ZNF782: variants seen among roughly 807,000 people sequenced by gnomAD.
ZNF782 encodes the protein zinc finger protein 782.
A neutral mutation model predicts 13.0 loss-of-function variants in ZNF782; 12 were observed. The observed-to-expected ratio is 0.92, with a 90% confidence interval of 0.59 to 1.50. The LOEUF (loss-of-function observed/expected upper bound fraction) is 1.50. ZNF782 is among the 40% of genes most tolerant of loss of function. ZNF782 has a pLI of 0.00. For synonymous variants in ZNF782, 284 were observed against 283.0 expected (o/e 1.00, Z -0.04); for missense variants, 770 against 822.9 (o/e 0.94, Z 0.79).
At chr9:96,836,838 G>A (rs1851018999) in intron 4 of ZNF782, among the ~76,000 whole-genome samples, 1 of 152,110 alleles carries the variant, frequency 6.6e-6, no homozygotes, top group Non-Finnish European at 1.5e-5. Flanking sequence ...TATTTCTTGT[G>A]AGAACGGGTT....
chr9:96,866,722 A>AG lies in ZNF782; in HGVS notation c.-456-5120dup, dbSNP rs1158947323. On this transcript the variant is annotated intron_variant, in intron 1 of 5. Coordinates refer to the ZNF782 transcript ENST00000498811. ...ATGCCAGCCCATGAAGGCAGCTAGG[A>AG]GGGGGGGTTATACCCTGCAAAGCCA... 5.3e-5 allele frequency among the ~76,000 whole-genome samples: 8 copies of AG among 152,284 alleles called. No individual in the cohort carries two copies. The East Asian group carries it at 1.4e-3, about 26-fold the overall frequency.
upstream of ZNF782, among the ~76,000 whole-genome samples, chr9:96,879,925 C>A (rs1479211698): frequency 6.6e-6 from 1 of 152,086 alleles, no homozygotes. Context: ...AACATGCAAT[C>A]TGTAAATAAG....
chr9:96,827,014 C>A (rs7848710), intron 5 of ZNF782, 66 bp downstream of exon 5: 3 of 1,031,368 alleles, frequency 2.9e-6, no homozygotes, highest in Non-Finnish European at 4.3e-6. Context: ...TATGACTATA[C>A]GCTGAGTTGT....
chr9:96,876,345 C>A (rs1213393562), upstream of ZNF782, among the ~76,000 whole-genome samples: 1 of 152,128 alleles, frequency 6.6e-6, no homozygotes, highest in Admixed American at 6.5e-5. Flanking sequence ...CAAAAACTAA[C>A]AAAGCGAATA....
intron 1 of ZNF782, among the ~76,000 whole-genome samples, chr9:96,866,405 C>T (rs1328224952): frequency 6.6e-6 from 1 of 152,170 alleles, no homozygotes; most frequent in Non-Finnish European, 1.5e-5. Flanking sequence ...TGGTGTCGAG[C>T]CTGCAGGTGC....
At position 96,854,388 on chromosome 9, in the gene ZNF782, C is replaced by A. The variant is rs189941834; in HGVS notation, c.-562G>T. The stretch of plus-strand genomic sequence containing the variant: ...ATCCCACAAACTTCCCGCTTCCTCT[C>A]CCGCTTCCGGGCACAAACGCTGTCC... On this transcript the variant is annotated 5_prime_UTR_variant, in exon 1 of 6. Coordinates refer to ENST00000481138, the MANE Select transcript of ZNF782 (RefSeq NM_001001662.3). 1 of 152,464 alleles carries A rather than the reference C, an allele frequency of 6.6e-6. No individual in the cohort carries two copies. The highest frequency in any genetic ancestry group is 1.5e-5 in the Non-Finnish European group (1 of 68,152). 9.4% of individuals were successfully genotyped at this position (152,464 alleles called of 1,614,324 possible). A position where few individuals can be genotyped will look rare whatever the true frequency, so the allele number is the denominator to read the frequency against.
chr9:96,840,722 G>T (rs1451890408), intron 4 of ZNF782, among the ~76,000 whole-genome samples: 1 of 152,010 alleles, frequency 6.6e-6, no homozygotes, highest in Non-Finnish European at 1.5e-5. Flanking sequence ...TAAGAGACAC[G>T]TCTTAGTAAC....
chr9:96,880,895 G>A, the ZNF782 span, among the ~76,000 whole-genome samples: 1 of 152,082 alleles, frequency 6.6e-6, no homozygotes, highest in Non-Finnish European at 1.5e-5. Context: ...AATTACCCAA[G>A]GAAGACATCT....
chr9:96,891,373 A>G, the ZNF782 span: 1 of 152,196 alleles, frequency 6.6e-6, no homozygotes, highest in East Asian at 1.9e-4. Context: ...TATTTGTTCA[A>G]TATTTGTTTA....
chr9:96,933,017 G>A, the ZNF782 span, among the ~76,000 whole-genome samples: 84 of 137,126 alleles, frequency 6.1e-4, no homozygotes, highest in South Asian at 5.3e-3. Flanking sequence ...TCACTCTGTC[G>A]CCCAGGGTGG....
chr9:96,899,108 T>C, the ZNF782 span, among the ~76,000 whole-genome samples: 6 of 149,920 alleles, frequency 4.0e-5, no homozygotes, highest in African/African-American at 1.5e-4. Context: ...AATCATATAG[T>C]ATTTTTCCTT....
chr9:96,826,518 T>G (rs1159275731), intron 5 of ZNF782, among the ~76,000 whole-genome samples: 1 of 152,168 alleles, frequency 6.6e-6, no homozygotes, highest in Non-Finnish European at 1.5e-5. Flanking sequence ...CTGCACATTG[T>G]GCACATGTAC....
At chr9:96,914,995 G>A in the ZNF782 span, among the ~76,000 whole-genome samples, 4 of 150,668 alleles carry the variant, frequency 2.7e-5, no homozygotes, top group East Asian at 2.2e-4. Flanking sequence ...CATAGGTATT[G>A]GGGTGCATAA....
chr9:96,832,945 G>A (rs1251793789), intron 4 of ZNF782, among the ~76,000 whole-genome samples: 5 of 151,796 alleles, frequency 3.3e-5, no homozygotes, highest in Middle Eastern at 3.4e-3. Context: ...TTACACAAAC[G>A]TTAGAGATTT....
the ZNF782 span, among the ~76,000 whole-genome samples, chr9:96,922,961 T>C: frequency 6.8e-6 from 1 of 147,842 alleles, no homozygotes; most frequent in Non-Finnish European, 1.5e-5. Context: ...GGGGAGTGTC[T>C]CTCACATCGC....
chr9:96,821,501 G>A (rs889420562), intron 5 of ZNF782, among the ~76,000 whole-genome samples: 1 of 152,000 alleles, frequency 6.6e-6, no homozygotes, highest in Non-Finnish European at 1.5e-5. Flanking sequence ...ACTGTCTATA[G>A]TATTCATTTT....
intron 1 of ZNF782, among the ~76,000 whole-genome samples, chr9:96,853,605 T>A (rs1851568749): frequency 6.6e-6 from 1 of 152,170 alleles, no homozygotes; most frequent in Non-Finnish European, 1.5e-5. Flanking sequence ...ACCCAAGAGA[T>A]CTGAAGACAC....
At chr9:96,838,854 T>C (rs566303208) in intron 4 of ZNF782, among the ~76,000 whole-genome samples, 1 of 152,148 alleles carries the variant, frequency 6.6e-6, no homozygotes, top group African/African-American at 2.4e-5. Context: ...TAGCTGGAAT[T>C]ACAGGCACCC....
intron 1 of ZNF782, among the ~76,000 whole-genome samples, chr9:96,869,125 G>A (rs1192655273): frequency 6.6e-6 from 1 of 151,978 alleles, no homozygotes; most frequent in East Asian, 1.9e-4. Flanking sequence ...TCTGCAACTA[G>A]ATCATATTAA....
Sources: gnomAD v4.1 joint callset for allele counts (sites outside exome capture counted in the v4.1 genomes callset) on GRCh38, gnomAD v4.1.1 for gene constraint, MANE v1.5 for transcripts, NCBI Gene and HGNC (gene_info 2026-07-23, HGNC 2026-07-21) for gene names.